The following DAAM1 variants were observed in gnomAD, a reference collection of about 807,000 sequenced individuals.
DAAM1 encodes the protein dishevelled associated activator of morphogenesis 1, also known as disheveled-associated activator of morphogenesis 1.
In DAAM1, 52 loss-of-function variants were observed where a neutral mutation model predicts 130.0. That is an observed-to-expected ratio of 0.40 (90% CI 0.32 to 0.50). DAAM1 has a LOEUF of 0.50. Among genes scored for constraint, DAAM1 ranks in the 20% least tolerant of loss-of-function variants. The pLI, the probability that DAAM1 is intolerant of heterozygous loss-of-function variation, is 0.61. For missense variants in DAAM1, 1,134 were observed against 1,303.8 expected, an observed-to-expected ratio of 0.87 and a Z score of 2.01; for synonymous variants, 452 against 444.5, an observed-to-expected ratio of 1.02 and a Z score of -0.21.
intron 4 of DAAM1, among the ~76,000 whole-genome samples, chr14:59,318,918 T>G (rs1884893526): frequency 6.6e-6 from 1 of 152,236 alleles, no homozygotes; most frequent in East Asian, 1.9e-4. Flanking sequence ...TTATTTGTAC[T>G]AGTGACCCGC....
intron 15 of DAAM1, among the ~76,000 whole-genome samples, chr14:59,339,106 C>T (rs544021562): frequency 2.4e-4 from 36 of 152,288 alleles, no homozygotes; most frequent in African/African-American, 7.7e-4. Flanking sequence ...AGAACTTAAA[C>T]AGACTTTAGA....
Position 59,352,474 on chromosome 14 carries a change from A to G in DAAM1, c.2161-52A>G, listed in dbSNP as rs143428859. On this transcript the variant is annotated intron_variant, in intron 17 of 24. Coordinates refer to ENST00000360909, the MANE Select transcript of DAAM1 (RefSeq NM_001270520.2). ...TTAACTGAAAGGGTGAAAAATTACT[A>G]CATGGATTTAAGTGATAAACCTCAG... is the stretch of plus-strand genomic sequence containing the variant. 5.5e-4 allele frequency: 766 copies of G among 1,404,972 alleles called. 3 individuals are homozygous for G. The African/African-American group carries it at 9.8e-3, about 18-fold the overall frequency. The allele number at this position is 1,404,972 out of a possible 1,614,324, so 87.0% of individuals were successfully genotyped here.
intron 1 of DAAM1, among the ~76,000 whole-genome samples, chr14:59,195,422 C>T (rs553678318): frequency 2.0e-5 from 3 of 152,188 alleles, no homozygotes; most frequent in South Asian, 2.1e-4. Context: ...GGATTACAGG[C>T]GTGAGCCACC....
intron 1 of DAAM1, among the ~76,000 whole-genome samples, chr14:59,221,820 C>T (rs1888782016): frequency 6.6e-6 from 1 of 152,180 alleles, no homozygotes; most frequent in Non-Finnish European, 1.5e-5. Context: ...TGTTGTGTCT[C>T]CTGCTGGAAG....
At chr14:59,296,169 G>A (rs1369736911) in intron 3 of DAAM1, among the ~76,000 whole-genome samples, 2 of 152,202 alleles carry the variant, frequency 1.3e-5, no homozygotes, top group East Asian at 3.8e-4. Context: ...CCTCTCTAAA[G>A]GCTATATAAG....
At chr14:59,288,904 T>C (rs1290424813) in intron 2 of DAAM1, among the ~76,000 whole-genome samples, 1 of 150,482 alleles carries the variant, frequency 6.6e-6, no homozygotes, top group Admixed American at 6.6e-5. Context: ...TGTTTTTGTT[T>C]GTTTGTTTTT....
chr14:59,369,117 G>A lies in DAAM1; in HGVS notation c.*258G>A, dbSNP rs111534784. On this transcript the variant is annotated 3_prime_UTR_variant, in exon 25 of 25. Transcript: ENST00000360909. ...ATGTGCTCCAAAACCTTTCGTGTAT[G>A]CATTCACATTGAGTGTGGCTCATTT... 181 of 363,700 alleles carry A rather than the reference G, an allele frequency of 5.0e-4. No homozygotes were observed. Among genetic ancestry groups the A allele is most frequent in the African/African-American group, 3.4e-3 (163 of 47,446 alleles). 22.5% of individuals were successfully genotyped at this position (363,700 alleles called of 1,614,324 possible). A position where few individuals can be genotyped will look rare whatever the true frequency, so the allele number is the denominator to read the frequency against.
rs1368830578 is a variant in DAAM1, at chr14:59,207,988, G to GA, written c.-38+19227dup. Among the ~76,000 whole-genome samples the GA allele has an allele frequency of 5.9e-5, 9 of 152,000 alleles. No individual in the cohort carries two copies. In the East Asian group the frequency reaches 1.4e-3, roughly 23 times the overall value. Reference sequence around the variant, plus strand: ...AATATTAATTTAGGTTCACTGTGGGGAAAAAAACACAGAAAAGTACATAGA... The same window carrying GA: ...AATATTAATTTAGGTTCACTGTGGGGAAAAAAAACACAGAAAAGTACATAGA... On this transcript the variant is annotated intron_variant, in intron 1 of 24. Transcript: ENST00000360909.
At chr14:59,308,501 A>G (rs927752507) in intron 3 of DAAM1, among the ~76,000 whole-genome samples, 1 of 152,078 alleles carries the variant, frequency 6.6e-6, no homozygotes, top group Non-Finnish European at 1.5e-5. Flanking sequence ...CTGTCAATTC[A>G]GTGTCCGGTG....
chr14:59,363,620 G>T (rs756122430), intron 22 of DAAM1, 31 bp from the exon 23 acceptor site: 1 of 1,613,336 alleles, frequency 6.2e-7, no homozygotes, highest in South Asian at 1.1e-5. Flanking sequence ...TTTGAAGCCT[G>T]CATTGACATT....
At chr14:59,223,935 C>T (rs1485814887) in intron 1 of DAAM1, among the ~76,000 whole-genome samples, 2 of 152,190 alleles carry the variant, frequency 1.3e-5, no homozygotes, top group African/African-American at 2.4e-5. Context: ...GCTTCTCACT[C>T]ACTAGATTCA....
intron 2 of DAAM1, among the ~76,000 whole-genome samples, chr14:59,268,469 G>A (rs1025762145): frequency 6.6e-6 from 1 of 152,124 alleles, no homozygotes; most frequent in Admixed American, 6.5e-5. Flanking sequence ...CAATGTATGA[G>A]GGTTCCAGTT....
At chr14:59,272,882 A>G (rs1329612196) in intron 2 of DAAM1, among the ~76,000 whole-genome samples, 6 of 152,154 alleles carry the variant, frequency 3.9e-5, no homozygotes, top group Non-Finnish European at 7.3e-5. Flanking sequence ...TTTAAAGGTG[A>G]CAGAAGATGA....
intron 17 of DAAM1, 50 bp downstream of exon 17, chr14:59,347,673 A>T: frequency 6.4e-7 from 1 of 1,560,826 alleles, no homozygotes. Context: ...GACCATCAAC[A>T]GGGAGAGGGA....
chr14:59,326,133 T>G, intron 10 of DAAM1, 56 bp downstream of exon 10: 2 of 1,530,032 alleles, frequency 1.3e-6, no homozygotes, highest in Non-Finnish European at 9.1e-7. Flanking sequence ...ATTGTCCTAA[T>G]GGGTTCTGGC....
At chr14:59,207,388 G>C (rs923617583) in intron 1 of DAAM1, among the ~76,000 whole-genome samples, 1 of 152,110 alleles carries the variant, frequency 6.6e-6, no homozygotes. Flanking sequence ...AGTCCAACAG[G>C]TTCTCAAACT....
At chr14:59,233,923 C>T (rs1594771317) in intron 1 of DAAM1, among the ~76,000 whole-genome samples, 1 of 152,078 alleles carries the variant, frequency 6.6e-6, no homozygotes, top group South Asian at 2.1e-4. Context: ...TCCAGTTTGT[C>T]GAAGATCAGA....
intron 4 of DAAM1, among the ~76,000 whole-genome samples, chr14:59,315,760 C>G (rs997169191): frequency 6.6e-6 from 1 of 152,242 alleles, no homozygotes; most frequent in South Asian, 2.1e-4. Flanking sequence ...CATTCTCTTT[C>G]TTACTGAGAA....
rs773326713 is a variant in DAAM1, at chr14:59,331,239, C to T, written c.1591C>T (p.Pro531Ser). Residue 531 changes from proline (P) to serine (S), a missense_variant, in exon 14 of 25, where the codon CCC becomes TCC. Pro to Ser is a moderately conservative substitution (Grantham distance 74). Coordinates refer to ENST00000360909, the MANE Select transcript of DAAM1 (RefSeq NM_001270520.2). ...RAVCASIPGG[P>S]SPGAPGGPFP... ...CGTCTGTGCTTCAATCCCAGGTGGA[C>T]CCTCGCCTGGAGCACCAGGAGGGCC... is the stretch of plus-strand genomic sequence containing the variant. The T allele has an allele frequency of 1.9e-6, 3 of 1,612,914 alleles. No individual in the cohort carries two copies. Among genetic ancestry groups the T allele is most frequent in the Non-Finnish European group, 2.5e-6 (3 of 1,179,992 alleles).
Sources: allele counts gnomAD v4.1 joint callset (sites outside exome capture counted in the v4.1 genomes callset), GRCh38; gene constraint gnomAD v4.1.1; transcripts MANE v1.5; gene names NCBI Gene and HGNC (gene_info 2026-07-23, HGNC 2026-07-21).